Variants in CNTNAP2 observed in about 807,000 individuals in gnomAD.
The protein encoded by CNTNAP2 is contactin-associated protein-like 2.
CNTNAP2 carries 98 observed loss-of-function variants against 155.2 expected under a neutral mutation model. The ratio of observed to expected loss-of-function variants is 0.63; its 90% confidence interval spans 0.54 to 0.75. The LOEUF is 0.75. Ranked by LOEUF, CNTNAP2 falls within the 30% of genes least tolerant of loss-of-function variation. CNTNAP2 has a pLI of 0.00. For synonymous variants in CNTNAP2, 651 were observed against 631.2 expected (o/e 1.03, Z -0.47); for missense variants, 1,727 against 1,688.1 (o/e 1.02, Z -0.40).
At chr7:147,841,439 G>A (rs979479213) in intron 13 of CNTNAP2, among the ~76,000 whole-genome samples, 1 of 152,120 alleles carries the variant, frequency 6.6e-6, no homozygotes, top group African/African-American at 2.4e-5. Context: ...GGGAAAGACC[G>A]AGACTGAGAT....
At chr7:147,425,214 CA>C (rs5888253) in intron 10 of CNTNAP2, among the ~76,000 whole-genome samples, 105,254 of 144,804 alleles carry the variant, frequency 0.73, 38,302 homozygotes, top group African/African-American at 0.86. Context: ...TTCTAAACGA[CA>C]AAAAAAAAAA....
chr7:147,806,291 T>G (rs527916809), intron 13 of CNTNAP2, among the ~76,000 whole-genome samples: 7 of 152,220 alleles, frequency 4.6e-5, no homozygotes, highest in Admixed American at 3.9e-4. Context: ...CCATAATAAG[T>G]ATCATCTCAC....
chr7:148,217,552 C>A, intron 19 of CNTNAP2, 28 bp downstream of exon 19: 1 of 1,602,124 alleles, frequency 6.2e-7, no homozygotes, highest in Non-Finnish European at 8.6e-7. Context: ...CAGCCTCTGC[C>A]ATTTAACATT....
At chr7:147,055,516 G>A (rs555647025) in intron 4 of CNTNAP2, among the ~76,000 whole-genome samples, 4 of 152,270 alleles carry the variant, frequency 2.6e-5, no homozygotes, top group Admixed American at 1.3e-4. Context: ...CTGTCCTGGG[G>A]TTATGGGTAT....
intron 1 of CNTNAP2, among the ~76,000 whole-genome samples, chr7:146,710,890 T>C (rs552769976): frequency 3.3e-5 from 5 of 152,136 alleles, no homozygotes; most frequent in Admixed American, 1.3e-4. Context: ...GCATTGGGAA[T>C]CATTAGCCAA....
intron 3 of CNTNAP2, among the ~76,000 whole-genome samples, chr7:146,927,895 T>A (rs1358513818): frequency 7.3e-5 from 11 of 150,842 alleles, no homozygotes; most frequent in Admixed American, 6.0e-4. Context: ...ATAGAGAGAG[T>A]GTGTGTGTAT....
intron 10 of CNTNAP2, among the ~76,000 whole-genome samples, chr7:147,463,294 C>T (rs1048714432): frequency 6.6e-6 from 1 of 152,200 alleles, no homozygotes; most frequent in African/African-American, 2.4e-5. Flanking sequence ...CTATTAAAAA[C>T]AGATGCTTTA....
intron 4 of CNTNAP2, among the ~76,000 whole-genome samples, chr7:147,068,688 A>G (rs1200917354): frequency 6.6e-6 from 1 of 152,222 alleles, no homozygotes; most frequent in Non-Finnish European, 1.5e-5. Context: ...CTTTAAGTAA[A>G]GGAGGCTATC....
chr7:147,641,698 A>G (rs963399425), intron 13 of CNTNAP2, among the ~76,000 whole-genome samples: 2 of 152,082 alleles, frequency 1.3e-5, no homozygotes, highest in Non-Finnish European at 2.9e-5. Flanking sequence ...TGGTGGCCTC[A>G]GGAGAAGAAA....
intron 13 of CNTNAP2, among the ~76,000 whole-genome samples, chr7:147,718,371 G>A (rs1293551858): frequency 6.6e-6 from 1 of 152,068 alleles, no homozygotes; most frequent in African/African-American, 2.4e-5. Context: ...GAAATGATCA[G>A]TTTCTTAATT....
At chr7:146,630,073 G>A (rs146361601) in intron 1 of CNTNAP2, among the ~76,000 whole-genome samples, 119 of 151,732 alleles carry the variant, frequency 7.8e-4, no homozygotes, top group African/African-American at 2.6e-3. Context: ...CTATCAACCC[G>A]TCATCTAGGT....
At chr7:148,227,943 GGA>G in intron 19 of CNTNAP2, among the ~76,000 whole-genome samples, 1 of 149,760 alleles carries the variant, frequency 6.7e-6, no homozygotes, top group African/African-American at 2.5e-5. Flanking sequence ...GTGAAAGTCT[GGA>G]AGGAGCTACT....
At chr7:147,788,858 C>T (rs558731319) in intron 13 of CNTNAP2, among the ~76,000 whole-genome samples, 1 of 151,798 alleles carries the variant, frequency 6.6e-6, no homozygotes, top group East Asian at 1.9e-4. Flanking sequence ...TCATGGAGAC[C>T]CTCATGAATC....
At chr7:146,336,870 C>A (rs1197214565) in intron 1 of CNTNAP2, among the ~76,000 whole-genome samples, 1 of 152,136 alleles carries the variant, frequency 6.6e-6, no homozygotes, top group African/African-American at 2.4e-5. Context: ...AGGTCACAAC[C>A]TTCTTGAAAT....
At chr7:146,911,697 C>T (rs112471423) in intron 3 of CNTNAP2, among the ~76,000 whole-genome samples, 13,347 of 149,530 alleles carry the variant, frequency 0.089, 724 homozygotes, top group Middle Eastern at 0.14. Flanking sequence ...TGGAGGTATA[C>T]CTAAGGCTAG....
chr7:146,116,803 T>A lies in CNTNAP2; in HGVS notation c.-74T>A. The A allele has an allele frequency of 1.8e-5, 23 of 1,251,232 alleles. No homozygotes were observed. Among genetic ancestry groups the A allele is most frequent in the Non-Finnish European group, 2.6e-5 (23 of 897,226 alleles). 77.5% of individuals were successfully genotyped at this position (1,251,232 alleles called of 1,614,324 possible). On this transcript the variant is annotated 5_prime_UTR_variant, in exon 1 of 24. Transcript: ENST00000361727. The surrounding 1 kb of genome is among the most constrained non-coding windows in gnomAD (Gnocchi z 5.5). ...GTATTTGAGGACAGCCCATCTCCCTTCAAGAACCCTACGGAGAGTCGGACT... is the reference window on the plus strand; with the variant it reads ...GTATTTGAGGACAGCCCATCTCCCTACAAGAACCCTACGGAGAGTCGGACT...
intron 1 of CNTNAP2, among the ~76,000 whole-genome samples, chr7:146,765,156 C>T (rs1802172887): frequency 6.6e-6 from 1 of 152,088 alleles, no homozygotes; most frequent in Admixed American, 6.6e-5. Flanking sequence ...TCAATAGTTT[C>T]AAGTCTCAAA....
At chr7:146,529,836 G>A (rs57120378) in intron 1 of CNTNAP2, among the ~76,000 whole-genome samples, 12,734 of 152,008 alleles carry the variant, frequency 0.084, 1,312 homozygotes, top group African/African-American at 0.24. Flanking sequence ...ATAGTAGCAC[G>A]TGCCTGTAAT....
intron 12 of CNTNAP2, among the ~76,000 whole-genome samples, chr7:147,637,502 T>A (rs952027472): frequency 1.3e-5 from 2 of 152,158 alleles, no homozygotes; most frequent in Non-Finnish European, 2.9e-5. Flanking sequence ...ATAAGTCTCT[T>A]TTAATCTACA....
Sources: gnomAD v4.1 joint callset for allele counts (sites outside exome capture counted in the v4.1 genomes callset) on GRCh38, gnomAD v4.1.1 for gene constraint, Gnocchi (gnomAD v3.1) non-coding constraint, MANE v1.5 for transcripts, NCBI Gene and HGNC (gene_info 2026-07-23, HGNC 2026-07-21) for gene names.